The following LMTK2 variants were observed in gnomAD, a reference collection of about 807,000 sequenced individuals.
LMTK2 encodes the protein serine/threonine-protein kinase LMTK2.
Under a neutral mutation model 127.5 loss-of-function variants are expected in LMTK2, and 37 were observed. The ratio of observed to expected loss-of-function variants is 0.29; its 90% CI spans 0.22 to 0.38. LMTK2 has a LOEUF of 0.38. LMTK2 is among the 10% of genes least tolerant of loss of function. The pLI is 1.00. For synonymous variants in LMTK2, 819 were observed against 810.1 expected (o/e 1.01, Z -0.19); for missense variants, 1,694 against 1,920.3 (o/e 0.88, Z 2.20).
Position 98,192,916 on chromosome 7 carries a change from T to A in LMTK2, c.2451T>A (p.Pro817=). The A allele has an allele frequency of 6.2e-7, 1 of 1,614,092 alleles. No homozygotes were observed. The highest frequency in any genetic ancestry group is 1.6e-4 in the Middle Eastern group (1 of 6,062). Residue 817 remains proline (P), a synonymous_variant, in exon 11 of 14, where the codon CCT becomes CCA. Transcript: ENST00000297293. ...CTTCCCCGGAAGTGCAGGTACCTCC[T>A]ACCTCCTTCGAAACAGAAGAAACGC... ...LQSSPEVQVP[P]TSFETEETPR... is the part of the protein sequence containing the mutation.
At chr7:98,167,550 G>A (rs1026900783) in intron 6 of LMTK2, among the ~76,000 whole-genome samples, 2 of 152,216 alleles carry the variant, frequency 1.3e-5, no homozygotes, top group South Asian at 2.1e-4. Context: ...ACTTGGTGAC[G>A]GGTTGGATGT....
At chr7:98,203,549 CAGG>C in intron 11 of LMTK2, 22 bp from the exon 12 acceptor site, 2 of 1,573,180 alleles carry the variant, frequency 1.3e-6, no homozygotes, top group Non-Finnish European at 1.7e-6. Flanking sequence ...CCTTTGCTGA[CAGG>C]AGTTTCTGTT....
intron 1 of LMTK2, among the ~76,000 whole-genome samples, chr7:98,111,997 C>T (rs1343881841): frequency 6.6e-6 from 1 of 152,156 alleles, no homozygotes; most frequent in Non-Finnish European, 1.5e-5. Flanking sequence ...GACTAAAGCT[C>T]TTGCATGTGA....
chr7:98,146,437 G>A (rs1001149698), intron 3 of LMTK2, among the ~76,000 whole-genome samples: 1 of 151,892 alleles, frequency 6.6e-6, no homozygotes, highest in African/African-American at 2.4e-5. Flanking sequence ...GTGAACCAGT[G>A]GGAGTGGAGA....
rs1310194325 is a variant in LMTK2 at position 98,106,914 on chromosome 7, C to T, written c.-264C>T. On this transcript the variant is annotated 5_prime_UTR_variant, in exon 1 of 14. Transcript: ENST00000297293. ...CGGGAGCGCGGCTTCCCAGGCCCGC[C>T]GCTCCGCAGGGCTGCTGGCGTTGCT... 4 of 447,926 alleles carry T rather than the reference C, an allele frequency of 8.9e-6. No individual in the cohort carries two copies. The highest frequency in any genetic ancestry group is 3.6e-5 in the East Asian group (1 of 28,150). 27.7% of individuals were successfully genotyped at this position (447,926 alleles called of 1,614,324 possible). A position where few individuals can be genotyped will look rare whatever the true frequency, so the allele number is the denominator to read the frequency against.
intron 6 of LMTK2, among the ~76,000 whole-genome samples, chr7:98,164,326 A>G (rs1481130915): frequency 1.3e-5 from 2 of 152,212 alleles, no homozygotes; most frequent in South Asian, 2.1e-4. Flanking sequence ...GGATTGAGCA[A>G]ATTCGAAGTG....
In LMTK2 at chr7:98,193,827, C is replaced by T. The variant is rs755181060; in HGVS notation, c.3362C>T (p.Pro1121Leu). 1.3e-5 allele frequency: 21 copies of T among 1,613,866 alleles called. No individual in the cohort carries two copies. The highest frequency in any genetic ancestry group is 3.3e-5 in the Admixed American group (2 of 59,994). The stretch of plus-strand genomic sequence containing the variant: ...CCCGAGAAAAGGTCTGAGGAGGTCC[C>T]GGGAACCTCCCCATCCGCCTTGGTG... ...SEPEKRSEEVPGTSPSALVLV... is the reference protein window; with the variant it reads ...SEPEKRSEEVLGTSPSALVLV... Residue 1121 changes from proline (P) to leucine (L), a missense_variant, in exon 11 of 14, where the codon CCG becomes CTG. This residue lies in a region of LMTK2 where 554 missense variants were observed against 567.7 expected (regional missense o/e 0.98). Coordinates refer to ENST00000297293, the MANE Select transcript of LMTK2 (RefSeq NM_014916.4). This position sits in a 1 kb window ranked among gnomAD's most constrained non-coding sequence, Gnocchi z 4.1.
At chr7:98,164,197 G>A (rs1303625447) in intron 6 of LMTK2, among the ~76,000 whole-genome samples, 1 of 152,160 alleles carries the variant, frequency 6.6e-6, no homozygotes, top group Non-Finnish European at 1.5e-5. Flanking sequence ...TATGAGAGGA[G>A]CCGAGAGATG....
intron 10 of LMTK2, 46 bp from the exon 11 acceptor site, chr7:98,191,568 A>T: frequency 6.7e-7 from 1 of 1,500,376 alleles, no homozygotes; most frequent in Non-Finnish European, 8.9e-7. Context: ...AAAAAAAAAA[A>T]AAAATTCGTG....
intron 11 of LMTK2, among the ~76,000 whole-genome samples, chr7:98,202,327 T>C (rs1797715932): frequency 6.6e-6 from 1 of 152,214 alleles, no homozygotes; most frequent in African/African-American, 2.4e-5. Flanking sequence ...CCTATTTCTG[T>C]TCATGGTAAG....
chr7:98,209,442 C>G lies in LMTK2; in HGVS notation c.*3950C>G, dbSNP rs1797858293. ...GGGGGCCGTCACACCCACCAGGCCT[C>G]CCTGCTGTGCTTTAACACAGGCAGA... is the stretch of plus-strand genomic sequence containing the variant. On this transcript the variant is annotated 3_prime_UTR_variant, in exon 14 of 14. Transcript: ENST00000297293. The G allele has an allele frequency of 6.6e-6, 1 of 152,184 alleles. No individual in the cohort carries two copies. Among genetic ancestry groups the G allele is most frequent in the African/African-American group, 2.4e-5 (1 of 41,426 alleles). The allele number at this position is 152,184 out of a possible 1,614,324, so 9.4% of individuals were successfully genotyped here.
At chr7:98,155,177 G>A (rs1246019471) in intron 5 of LMTK2, among the ~76,000 whole-genome samples, 1 of 152,020 alleles carries the variant, frequency 6.6e-6, no homozygotes, top group Admixed American at 6.6e-5. Context: ...ATTGCATCAC[G>A]TTTAAAACAA....
At chr7:98,140,695 A>G (rs1481349680) in intron 2 of LMTK2, among the ~76,000 whole-genome samples, 1 of 152,178 alleles carries the variant, frequency 6.6e-6, no homozygotes, top group African/African-American at 2.4e-5. Flanking sequence ...AGAAATGCAT[A>G]TACAACTTTA....
chr7:98,196,655 G>A (rs1203442622), intron 11 of LMTK2, among the ~76,000 whole-genome samples: 2 of 152,316 alleles, frequency 1.3e-5, no homozygotes, highest in Non-Finnish European at 1.5e-5. Context: ...CCCTGGGGCC[G>A]CAGAGTATGG....
chr7:98,117,927 A>G (rs1197068412), intron 1 of LMTK2, among the ~76,000 whole-genome samples: 2 of 152,196 alleles, frequency 1.3e-5, no homozygotes, highest in Non-Finnish European at 2.9e-5. Flanking sequence ...AGATCGGACC[A>G]CTGCACTCCA....
rs776003562 is a variant in LMTK2, at chr7:98,185,085, G to A, written c.826G>A (p.Asp276Asn). ...LALRNCFLTSDLNVKVGDYGI... is the reference protein window; with the variant it reads ...LALRNCFLTSNLNVKVGDYGI... The stretch of plus-strand genomic sequence containing the variant: ...CCTGCGGAATTGTTTTCTCACCTCC[G>A]ACTTAAATGTGAAAGTGGGAGATTA... Residue 276 changes from aspartate to asparagine, a missense_variant, in exon 8 of 14, where the codon GAC becomes AAC. Asp to Asn is a conservative substitution (Grantham distance 23). This residue lies in a region of LMTK2 where 47 missense variants were observed against 95.4 expected (regional missense o/e 0.49). Coordinates refer to ENST00000297293, the MANE Select transcript of LMTK2 (RefSeq NM_014916.4). 3.1e-6 allele frequency: 5 copies of A among 1,612,546 alleles called. No homozygotes were observed. The highest frequency in any genetic ancestry group is 1.1e-5 in the South Asian group (1 of 90,944).
intron 1 of LMTK2, among the ~76,000 whole-genome samples, chr7:98,133,369 G>T (rs980809272): frequency 6.6e-6 from 1 of 152,006 alleles, no homozygotes; most frequent in African/African-American, 2.4e-5. Context: ...GTTTGACCAC[G>T]GCGGTATAGG....
chr7:98,107,039 CAGA>C lies in LMTK2; in HGVS notation c.-136_-134del, dbSNP rs1396049470. The stretch of plus-strand genomic sequence containing the variant: ...GACCGGGAGCCGGACCGAGGTTTGG[CAGA>C]AGCAACGTGTGCTCGGGAGCAACCG... On this transcript the variant is annotated 5_prime_UTR_variant, in exon 1 of 14. Transcript: ENST00000297293. 6.4e-5 allele frequency: 37 copies of C among 576,590 alleles called. 1 individual carries two copies. In the South Asian group the frequency reaches 1.1e-3, roughly 17 times the overall value. The allele number at this position is 576,590 out of a possible 1,614,324, so 35.7% of individuals were successfully genotyped here.
At chr7:98,149,067 G>A (rs185230331) in intron 3 of LMTK2, among the ~76,000 whole-genome samples, 2 of 152,316 alleles carry the variant, frequency 1.3e-5, no homozygotes, top group Admixed American at 6.5e-5. Flanking sequence ...TTTGCCTTTC[G>A]TTGTTTTCGA....
Sources: gnomAD v4.1 joint callset for allele counts (sites outside exome capture counted in the v4.1 genomes callset) on GRCh38, gnomAD v4.1.1 for gene constraint, gnomAD v4.1.1 regional missense constraint, Gnocchi (gnomAD v3.1) non-coding constraint, MANE v1.5 for transcripts, NCBI Gene and HGNC (gene_info 2026-07-23, HGNC 2026-07-21) for gene names.